The following SPICE1 variants were observed in gnomAD, a reference collection of about 807,000 sequenced individuals.
SPICE1 encodes the protein spindle and centriole associated protein 1.
A neutral mutation model predicts 102.7 loss-of-function variants in SPICE1; 75 were observed. The ratio of observed to expected loss-of-function variants is 0.73; its 90% confidence interval spans 0.61 to 0.88. The LOEUF (loss-of-function observed/expected upper bound fraction) is 0.88. Among genes scored for constraint, SPICE1 ranks in the 40% least tolerant of loss-of-function variants. SPICE1 has a pLI of 0.00. For missense variants in SPICE1, 979 were observed against 1,020.1 expected, an observed-to-expected ratio of 0.96 and a Z score of 0.55; for synonymous variants, 308 against 350.3, an observed-to-expected ratio of 0.88 and a Z score of 1.35.
chr3:113,506,601 G>T lies in SPICE1; in HGVS notation c.5C>A (p.Ser2Ter). The stretch of plus-strand genomic sequence containing the variant: ...ACCACAGCGGTTCACTCTGACAAAT[G>T]ACATCTAGGAATAATAATCACATCA... M[S>*]FVRVNRCGPR... Residue 2 changes from serine (S) to a stop codon, truncating the protein, a stop_gained, in exon 2 of 18, where the codon TCA becomes TAA. Transcript: ENST00000295872. LOFTEE classifies it high-confidence loss of function. 6.2e-7 allele frequency: 1 copy of T among 1,609,748 alleles called. No individual in the cohort carries two copies. The highest frequency in any genetic ancestry group is 8.5e-7 in the Non-Finnish European group (1 of 1,177,864).
chr3:113,445,692 T>C (rs532320567), intron 17 of SPICE1, among the ~76,000 whole-genome samples: 5 of 152,214 alleles, frequency 3.3e-5, no homozygotes, highest in Admixed American at 2.0e-4. Context: ...TTCCAGGAAC[T>C]AAGAATAATT....
At chr3:113,459,456 C>CAAAAA (rs200111666) in intron 12 of SPICE1, 145 of 955,078 alleles carry the variant, frequency 1.5e-4, no homozygotes, top group Middle Eastern at 5.3e-4. Context: ...CAAAACAAAA[C>CAAAAA]AAAAAAAAAC....
At position 113,499,593 on chromosome 3, in the gene SPICE1, G is replaced by T. The variant is rs756570665; in HGVS notation, c.148-11C>A. On this transcript the variant is annotated splice_polypyrimidine_tract_variant and intron_variant, in intron 3 of 17. Coordinates refer to ENST00000295872, the MANE Select transcript of SPICE1 (RefSeq NM_144718.4). ...TTCATGACGGCGTACCTATACAGAA[G>T]AGAAAAGTACATAAAGGAATGTTTC... 1 of 1,585,214 alleles carries T rather than the reference G, an allele frequency of 6.3e-7. No homozygotes were observed. The highest frequency in any genetic ancestry group is 1.4e-5 in the African/African-American group (1 of 73,670).
At chr3:113,450,261 A>G in intron 15 of SPICE1, 75 bp downstream of exon 15, 2 of 1,565,968 alleles carry the variant, frequency 1.3e-6, no homozygotes, top group African/African-American at 1.4e-5. Flanking sequence ...CTTTTGGCTT[A>G]ATATAAACTT....
intron 3 of SPICE1, among the ~76,000 whole-genome samples, chr3:113,501,348 G>A (rs1039891536): frequency 6.6e-6 from 1 of 152,060 alleles, no homozygotes. Context: ...TGTGAACCTT[G>A]GGTTAGGTAA....
intron 6 of SPICE1, among the ~76,000 whole-genome samples, chr3:113,491,646 A>AAAAAAT (rs1559972346): frequency 1.3e-5 from 2 of 150,382 alleles, no homozygotes; most frequent in African/African-American, 5.0e-5. Flanking sequence ...AAAAAAAAAA[A>AAAAAAT]AAAGATTATC....
rs147983469 is a variant in SPICE1 at position 113,472,923 on chromosome 3, A to G, written c.612-3685T>C. Among the ~76,000 whole-genome samples the G allele has an allele frequency of 3.6e-3, 556 of 152,340 alleles. 7 individuals carry two copies. Among genetic ancestry groups the G allele is most frequent in the East Asian group, 0.024 (125 of 5,180 alleles). On this transcript the variant is annotated intron_variant, in intron 7 of 17. Transcript: ENST00000295872. ...CGCAGTTCCTCACTACCAACGGAAC[A>G]AAGCTGGAAAGAAAATGACTTTGAC...
chr3:113,464,215 A>G (rs184903635), intron 11 of SPICE1, among the ~76,000 whole-genome samples: 1 of 151,988 alleles, frequency 6.6e-6, no homozygotes, highest in Non-Finnish European at 1.5e-5. Context: ...ATGGTATGTG[A>G]ACTATATTAT....
At chr3:113,489,250 T>A (rs115361266) in intron 6 of SPICE1, among the ~76,000 whole-genome samples, 187 bp from the exon 7 acceptor site, 1 of 152,268 alleles carries the variant, frequency 6.6e-6, no homozygotes, top group African/African-American at 2.4e-5. Context: ...ATTTTCAACA[T>A]CTGTCTCTGT....
rs1287220908 is a variant in SPICE1, at chr3:113,468,242, C to T, written c.1052G>A (p.Trp351Ter). The change falls in exon 10 of 18, where the codon TGG becomes TAG. Residue 351 changes from tryptophan to a stop codon, truncating the protein, a stop_gained. Transcript: ENST00000295872. LOFTEE classifies it high-confidence loss of function. ...VEHEMEEYER[W>*]TGREVKGLQS... ...CAGACCCTTGACCTCGCGACCTGTCCACCGCTCATATTCTTCCATTTCATG... is the reference window on the plus strand; with the variant it reads ...CAGACCCTTGACCTCGCGACCTGTCTACCGCTCATATTCTTCCATTTCATG... 14 of 1,614,124 alleles carry T rather than the reference C, an allele frequency of 8.7e-6. No individual in the cohort carries two copies. The highest frequency in any genetic ancestry group is 1.1e-5 in the Non-Finnish European group (13 of 1,180,042).
chr3:113,453,515 T>A lies in SPICE1; in HGVS notation c.2093A>T (p.Asp698Val). 1 of 1,613,750 alleles carries A rather than the reference T, an allele frequency of 6.2e-7. No individual in the cohort carries two copies. Among genetic ancestry groups the A allele is most frequent in the South Asian group, 1.1e-5 (1 of 91,002 alleles). Residue 698 changes from aspartate (D) to valine (V), a missense_variant, in exon 14 of 18, where the codon GAT (aspartate) becomes GTT (valine). Transcript: ENST00000295872. Reference sequence around the variant, plus strand: ...TTGTTTGTTCAACTCCCGGAGTCCATCCCCTTGCTCTCCTCTGGGCTCAAT... The same window carrying A: ...TTGTTTGTTCAACTCCCGGAGTCCAACCCCTTGCTCTCCTCTGGGCTCAAT... Reference protein sequence around the residue: ...NIIEPRGEQGDGLRELNKQES... With the variant: ...NIIEPRGEQGVGLRELNKQES...
intron 6 of SPICE1, among the ~76,000 whole-genome samples, chr3:113,489,560 A>G (rs1936720848): frequency 6.6e-6 from 1 of 151,992 alleles, no homozygotes; most frequent in South Asian, 2.1e-4. Flanking sequence ...TTTAAAATCC[A>G]CTTGGCCAGG....
intron 11 of SPICE1, among the ~76,000 whole-genome samples, chr3:113,465,100 C>CAAAAAAA (rs35595850): frequency 7.6e-6 from 1 of 131,384 alleles, no homozygotes. Context: ...GACACCATCT[C>CAAAAAAA]AAAAAAAAAA....
intron 12 of SPICE1, among the ~76,000 whole-genome samples, chr3:113,458,362 G>A (rs558177741): frequency 7.9e-5 from 12 of 152,262 alleles, no homozygotes; most frequent in Middle Eastern, 3.4e-3. Flanking sequence ...GCAGGCACGC[G>A]CCACCACACC....
intron 6 of SPICE1, among the ~76,000 whole-genome samples, chr3:113,490,270 C>T (rs2107491960): frequency 6.6e-6 from 1 of 152,254 alleles, no homozygotes; most frequent in Admixed American, 6.5e-5. Context: ...AAATGAAATG[C>T]TATTAATTTC....
chr3:113,478,115 T>C (rs1417823222), intron 7 of SPICE1, among the ~76,000 whole-genome samples: 3 of 151,834 alleles, frequency 2.0e-5, no homozygotes, highest in Non-Finnish European at 4.4e-5. Flanking sequence ...CCAAAAGAAA[T>C]TTTTTAAAAG....
At chr3:113,465,819 G>C in intron 10 of SPICE1, 35 bp from the exon 11 acceptor site, 7 of 1,596,490 alleles carry the variant, frequency 4.4e-6, no homozygotes, top group Non-Finnish European at 6.0e-6. Flanking sequence ...TCCACCAATA[G>C]CATCACATGT....
chr3:113,451,645 A>G (rs1935655784), intron 14 of SPICE1, among the ~76,000 whole-genome samples: 1 of 152,194 alleles, frequency 6.6e-6, no homozygotes, highest in Admixed American at 6.5e-5. Flanking sequence ...TTTTAAACCA[A>G]GAGTTGCCTG....
rs1206513729 is a variant in SPICE1, at chr3:113,494,065, A to T, written c.369T>A (p.Phe123Leu). ...DHLIAAAKEL[F>L]PRRRTGFPNV... ...ATTGAATACCTGTGCGCCTACGAGGAAACAGCTCTTTTGCTGCAGCTATTA... is the reference window on the plus strand; with the variant it reads ...ATTGAATACCTGTGCGCCTACGAGGTAACAGCTCTTTTGCTGCAGCTATTA... The change falls in exon 5 of 18, where the codon TTT becomes TTA. Residue 123 changes from phenylalanine to leucine, a missense_variant. Coordinates refer to ENST00000295872, the MANE Select transcript of SPICE1 (RefSeq NM_144718.4). The T allele has an allele frequency of 6.2e-7, 1 of 1,611,784 alleles. No individual in the cohort carries two copies. Among genetic ancestry groups the T allele is most frequent in the African/African-American group, 1.3e-5 (1 of 74,976 alleles).
Sources: allele counts gnomAD v4.1 joint callset (sites outside exome capture counted in the v4.1 genomes callset), GRCh38; gene constraint gnomAD v4.1.1; transcripts MANE v1.5; gene names NCBI Gene and HGNC (gene_info 2026-07-23, HGNC 2026-07-21).